ARK2N: variants seen among roughly 807,000 people sequenced by gnomAD.
ARK2N encodes arkadia (RNF111) N-terminal like PKA signaling regulator 2N, also known as protein ARK2N.
chr18:46,251,115 CAAAT>C, the ARK2N span, among the ~76,000 whole-genome samples: 7 of 152,228 alleles, frequency 4.6e-5, no homozygotes, highest in Middle Eastern at 3.4e-3. Context: ...TAGGTACAAA[CAAAT>C]AAAGTAAACA....
At chr18:46,186,689 T>C in the ARK2N span, among the ~76,000 whole-genome samples, 2,631 of 151,754 alleles carry the variant, frequency 0.017, 69 homozygotes, top group African/African-American at 0.06. Context: ...TTTGTACTTT[T>C]AGTAGAGAGG....
chr18:46,194,391 G>A, the ARK2N span, among the ~76,000 whole-genome samples: 6 of 152,012 alleles, frequency 3.9e-5, no homozygotes, highest in Non-Finnish European at 8.8e-5. Flanking sequence ...ACGAGTTCAG[G>A]AGTTCAAGAC....
the ARK2N span, among the ~76,000 whole-genome samples, chr18:46,231,331 T>C: frequency 6.6e-6 from 1 of 152,172 alleles, no homozygotes; most frequent in South Asian, 2.1e-4. Flanking sequence ...TGTGTACCCA[T>C]CTTCAGAATT....
the ARK2N span, among the ~76,000 whole-genome samples, chr18:46,197,293 G>T: frequency 6.6e-6 from 1 of 151,922 alleles, no homozygotes; most frequent in Non-Finnish European, 1.5e-5. Flanking sequence ...GGAGTGCAGT[G>T]GTGCAATCAT....
chr18:46,207,386 T>A, the ARK2N span, among the ~76,000 whole-genome samples: 1 of 139,588 alleles, frequency 7.2e-6, no homozygotes, highest in African/African-American at 2.5e-5. Flanking sequence ...TCAGTTTCTA[T>A]ACTTTTTTTT....
the ARK2N span, among the ~76,000 whole-genome samples, chr18:46,245,693 G>A: frequency 6.6e-6 from 1 of 151,886 alleles, no homozygotes; most frequent in African/African-American, 2.4e-5. Flanking sequence ...CTGTCATACA[G>A]TATGTAGTAT....
At chr18:46,257,852 G>A in the ARK2N span, among the ~76,000 whole-genome samples, 659 of 152,092 alleles carry the variant, frequency 4.3e-3, 3 homozygotes, top group African/African-American at 0.015. Context: ...TGGCGTTAAT[G>A]TTGGGTTATT....
At chr18:46,175,786 C>T in the ARK2N span, among the ~76,000 whole-genome samples, 1 of 152,132 alleles carries the variant, frequency 6.6e-6, no homozygotes, top group Non-Finnish European at 1.5e-5. Context: ...CAGGCGTGAG[C>T]CGTGGCGCCT....
the ARK2N span, among the ~76,000 whole-genome samples, chr18:46,237,633 T>C: frequency 6.6e-6 from 1 of 152,164 alleles, no homozygotes; most frequent in South Asian, 2.1e-4. Flanking sequence ...AAGTGATCCA[T>C]CTGCCTTGGC....
At chr18:46,265,760 C>T in the ARK2N span, 1 of 152,642 alleles carries the variant, frequency 6.6e-6, no homozygotes, top group Admixed American at 6.5e-5. Flanking sequence ...TATACAGCTC[C>T]TGTGACATTT....
chr18:46,233,379 A>G, the ARK2N span, among the ~76,000 whole-genome samples: 12 of 152,138 alleles, frequency 7.9e-5, no homozygotes, highest in Non-Finnish European at 1.2e-4. Flanking sequence ...TTTTTTATCT[A>G]TGGATCTAAA....
At chr18:46,198,118 A>G in the ARK2N span, among the ~76,000 whole-genome samples, 36 of 152,106 alleles carry the variant, frequency 2.4e-4, no homozygotes, top group Admixed American at 6.5e-4. Flanking sequence ...CCTCACCAAC[A>G]TGGTGAAACA....
At chr18:46,192,376 A>G in the ARK2N span, among the ~76,000 whole-genome samples, 8 of 152,084 alleles carry the variant, frequency 5.3e-5, no homozygotes, top group Non-Finnish European at 2.9e-5. Context: ...GTTCGAGACC[A>G]GCCTGGCCAA....
chr18:46,218,054 T>A, the ARK2N span: 2 of 152,218 alleles, frequency 1.3e-5, no homozygotes, highest in African/African-American at 4.8e-5. Flanking sequence ...TTCCACTTAC[T>A]AAGCAGGATT....
At chr18:46,179,586 G>C in the ARK2N span, among the ~76,000 whole-genome samples, 1 of 151,848 alleles carries the variant, frequency 6.6e-6, no homozygotes, top group East Asian at 1.9e-4. Context: ...AGCAGGAGCA[G>C]GGTGAAACTA....
chr18:46,213,192 G>T, the ARK2N span, among the ~76,000 whole-genome samples: 1 of 151,170 alleles, frequency 6.6e-6, no homozygotes. Flanking sequence ...AGTAGAGATG[G>T]GCTTTGACCA....
the ARK2N span, among the ~76,000 whole-genome samples, chr18:46,200,066 T>TG: frequency 4.0e-5 from 6 of 150,086 alleles, no homozygotes; most frequent in African/African-American, 1.5e-4. Flanking sequence ...AAATTCTTTA[T>TG]TGTGTGTGTG....
the ARK2N span, among the ~76,000 whole-genome samples, chr18:46,236,050 A>C: frequency 2.0e-5 from 3 of 152,214 alleles, no homozygotes; most frequent in Non-Finnish European, 4.4e-5. Context: ...GTTCGAACCT[A>C]TTTATTATAG....
At chr18:46,228,772 T>G in the ARK2N span, 4 of 398,494 alleles carry the variant, frequency 1.0e-5, no homozygotes, top group African/African-American at 8.2e-5. Context: ...GGTTCTGTTA[T>G]GTTGTTCAGG....
Sources: allele counts gnomAD v4.1 joint callset (sites outside exome capture counted in the v4.1 genomes callset), GRCh38; gene constraint gnomAD v4.1.1; transcripts MANE v1.5; gene names NCBI Gene and HGNC (gene_info 2026-07-23, HGNC 2026-07-21).